GRIA1: variants seen among roughly 807,000 people sequenced by gnomAD.
GRIA1 encodes glutamate receptor 1.
A neutral mutation model predicts 99.2 loss-of-function variants in GRIA1; 31 were observed. That is an observed-to-expected ratio of 0.31 (90% CI 0.23 to 0.42). The LOEUF (loss-of-function observed/expected upper bound fraction) is 0.42, where lower values mean the gene tolerates loss of function less well. Ranked by LOEUF, GRIA1 falls within the 10% of genes least tolerant of loss-of-function variation. GRIA1 has a pLI of 1.00. For synonymous variants in GRIA1, 438 were observed against 432.4 expected (o/e 1.01, Z -0.16); for missense variants, 782 against 1,157.5 (o/e 0.68, Z 4.71).
rs144866844 is a variant in GRIA1 at position 153,493,057 on chromosome 5, A to G, written c.83-871A>G. ...GCTGATTTTAATTCACAGAAATGTA[A>G]TTGATTTACATGTTGACAGTAAATA... On this transcript the variant is annotated intron_variant, in intron 1 of 15. Transcript: ENST00000285900. 2.1e-3 allele frequency among the ~76,000 whole-genome samples: 325 copies of G among 152,338 alleles called. 3 individuals are homozygous for G. Among genetic ancestry groups the G allele is most frequent in the African/African-American group, 7.3e-3 (302 of 41,584 alleles).
In GRIA1 at chr5:153,802,538, G is replaced by A. The variant is rs759774411; in HGVS notation, c.2520+48G>A. The A allele has an allele frequency of 7.5e-6, 12 of 1,603,870 alleles. No individual in the cohort carries two copies. The South Asian group carries it at 1.3e-4, about 18-fold the overall frequency. On this transcript the variant is annotated intron_variant, in intron 15 of 15. Coordinates refer to ENST00000285900, the MANE Select transcript of GRIA1 (RefSeq NM_000827.4). The stretch of plus-strand genomic sequence containing the variant: ...TTTTCCTAACCTGTTCTGTGATGCA[G>A]CTGGGTTTCCTGGGAGTCCCTTTGC...
intron 2 of GRIA1, among the ~76,000 whole-genome samples, chr5:153,529,874 G>T (rs1284159576): frequency 8.5e-5 from 13 of 152,090 alleles, no homozygotes; most frequent in Admixed American, 2.0e-4. Context: ...CTCATTTCAG[G>T]CCCTCTGCTG....
chr5:153,737,995 A>T (rs1441823786), intron 11 of GRIA1, among the ~76,000 whole-genome samples: 1 of 152,210 alleles, frequency 6.6e-6, no homozygotes, highest in African/African-American at 2.4e-5. Flanking sequence ...AAGGGTATAC[A>T]TAGGGGCCCC....
Position 153,705,697 on chromosome 5 carries a change from A to AGT in GRIA1, c.1454_1455insTG (p.Arg485SerfsTer10). Reference sequence around the variant, plus strand: ...TTTTTTTTTTTTTTTTTTTTTTCAGAGAGCAGATGTGGCTGTGGCTCCCTT... The same window carrying AGT: ...TTTTTTTTTTTTTTTTTTTTTTCAGAGTGAGCAGATGTGGCTGTGGCTCCCTT... On this transcript the variant is annotated frameshift_variant and splice_region_variant, in exon 11 of 16. Transcript: ENST00000285900. LOFTEE classifies it high-confidence loss of function. 3.9e-6 allele frequency: 1 copy of AGT among 254,846 alleles called. No individual in the cohort carries two copies. The highest frequency in any genetic ancestry group is 6.2e-6 in the Non-Finnish European group (1 of 161,432). The allele number at this position is 254,846 out of a possible 1,614,324, so 15.8% of individuals were successfully genotyped here.
At chr5:153,547,826 TC>T (rs1759747337) in intron 2 of GRIA1, among the ~76,000 whole-genome samples, 2 of 152,106 alleles carry the variant, frequency 1.3e-5, no homozygotes, top group African/African-American at 4.8e-5. Flanking sequence ...AAAGAGTGAA[TC>T]CACTGCAGAG....
At chr5:153,580,932 C>T (rs765495692) in intron 2 of GRIA1, among the ~76,000 whole-genome samples, 4 of 152,104 alleles carry the variant, frequency 2.6e-5, no homozygotes, top group Non-Finnish European at 4.4e-5. Flanking sequence ...GGGCAGCAGC[C>T]GAGATGGGGT....
intron 2 of GRIA1, among the ~76,000 whole-genome samples, chr5:153,521,498 G>A (rs550629401): frequency 3.3e-5 from 5 of 152,334 alleles, no homozygotes; most frequent in Admixed American, 1.3e-4. Flanking sequence ...GCTCAGTGGG[G>A]AAGGAGAAAT....
At chr5:153,536,614 T>C (rs771832338) in intron 2 of GRIA1, among the ~76,000 whole-genome samples, 7 of 152,208 alleles carry the variant, frequency 4.6e-5, no homozygotes, top group Non-Finnish European at 8.8e-5. Flanking sequence ...TTAATTTGCA[T>C]TCCATTTCTT....
At chr5:153,735,297 T>C (rs541272593) in intron 11 of GRIA1, among the ~76,000 whole-genome samples, 47 of 152,330 alleles carry the variant, frequency 3.1e-4, no homozygotes, top group African/African-American at 1.1e-3. Context: ...GCAAGACTCC[T>C]GTCTCAAGAG....
chr5:153,634,747 C>T (rs1261807190), intron 2 of GRIA1, among the ~76,000 whole-genome samples: 1 of 152,176 alleles, frequency 6.6e-6, no homozygotes, highest in African/African-American at 2.4e-5. Flanking sequence ...TTGCTGAGAC[C>T]ATAGATTACA....
At chr5:153,595,250 CTT>C (rs1162399391) in intron 2 of GRIA1, among the ~76,000 whole-genome samples, 1 of 152,120 alleles carries the variant, frequency 6.6e-6, no homozygotes, top group Non-Finnish European at 1.5e-5. Flanking sequence ...TTAAAATAAA[CTT>C]TTATTGTAGT....
chr5:153,684,708 G>A (rs77703290), intron 7 of GRIA1, among the ~76,000 whole-genome samples: 3,914 of 152,314 alleles, frequency 0.026, 75 homozygotes, highest in Middle Eastern at 0.082. Context: ...TGATAAGAAG[G>A]TGAAGTTGCT....
chr5:153,729,374 T>TA (rs1260339663), intron 11 of GRIA1, among the ~76,000 whole-genome samples: 2 of 151,970 alleles, frequency 1.3e-5, no homozygotes, highest in Non-Finnish European at 2.9e-5. Flanking sequence ...CCCTAAAACT[T>TA]AAAGTATAAT....
At chr5:153,688,898 TG>T (rs1206226377) in intron 8 of GRIA1, among the ~76,000 whole-genome samples, 2 of 152,126 alleles carry the variant, frequency 1.3e-5, no homozygotes, top group Non-Finnish European at 2.9e-5. Flanking sequence ...TTTTGTATTT[TG>T]GGTAGACACG....
intron 2 of GRIA1, among the ~76,000 whole-genome samples, chr5:153,549,823 T>C (rs1759967719): frequency 6.6e-6 from 1 of 152,190 alleles, no homozygotes; most frequent in South Asian, 2.1e-4. Context: ...GACTCAGGTC[T>C]GCATTCCAAA....
Position 153,490,878 on chromosome 5 carries a change from C to A in GRIA1, c.-11C>A, listed in dbSNP as rs771331045. 1.2e-6 allele frequency: 2 copies of A among 1,611,344 alleles called. No individual in the cohort carries two copies. Among genetic ancestry groups the A allele is most frequent in the Non-Finnish European group, 1.7e-6 (2 of 1,177,582 alleles). ...GACCTGGGCTTCTTTTTCGCCAATG[C>A]AAAAAGGAATATGCAGCACATTTTT... On this transcript the variant is annotated 5_prime_UTR_variant, in exon 1 of 16. An upstream open reading frame in the 5' UTR gains an earlier in-frame stop. Transcript: ENST00000285900.
intron 7 of GRIA1, among the ~76,000 whole-genome samples, 185 bp downstream of exon 7, chr5:153,677,346 T>C (rs928066810): frequency 2.0e-5 from 3 of 152,236 alleles, no homozygotes; most frequent in East Asian, 1.9e-4. Flanking sequence ...AAAAATGATA[T>C]GGAACAGTCA....
At chr5:153,773,023 T>C (rs942202963) in intron 13 of GRIA1, among the ~76,000 whole-genome samples, 5 of 152,122 alleles carry the variant, frequency 3.3e-5, no homozygotes, top group Non-Finnish European at 5.9e-5. Flanking sequence ...TATTTCCTGA[T>C]ACTGGAAATA....
chr5:153,568,934 G>C (rs920237221), intron 2 of GRIA1, among the ~76,000 whole-genome samples: 3 of 152,124 alleles, frequency 2.0e-5, no homozygotes, highest in African/African-American at 4.8e-5. Flanking sequence ...TCACACCCTG[G>C]AATGCCCTTT....
Sources: gnomAD v4.1 joint callset for allele counts (sites outside exome capture counted in the v4.1 genomes callset) on GRCh38, gnomAD v4.1.1 for gene constraint, MANE v1.5 for transcripts, NCBI Gene and HGNC (gene_info 2026-07-23, HGNC 2026-07-21) for gene names.